TMEM163: variants seen among roughly 807,000 people sequenced by gnomAD.
TMEM163 encodes the protein transmembrane protein 163.
In TMEM163, 17 loss-of-function variants were observed where a neutral mutation model predicts 29.3. The ratio of observed to expected loss-of-function variants is 0.58; its 90% CI spans 0.40 to 0.87. The LOEUF (loss-of-function observed/expected upper bound fraction) is 0.87, where lower values mean the gene tolerates loss of function less well. Among genes scored for constraint, TMEM163 ranks in the 40% least tolerant of loss-of-function variants. TMEM163 has a pLI of 0.00. For missense variants in TMEM163, 303 were observed against 381.5 expected (o/e 0.79, Z 1.71); for synonymous variants, 157 against 160.6 (o/e 0.98, Z 0.17).
intron 5 of TMEM163, among the ~76,000 whole-genome samples, chr2:134,479,834 T>C (rs481396): frequency 0.43 from 65,429 of 152,106 alleles, 16,011 homozygotes; most frequent in East Asian, 0.83. Context: ...CCCACCCTGC[T>C]GCTTCCACTT....
At chr2:134,620,606 C>T (rs183181638) in intron 2 of TMEM163, among the ~76,000 whole-genome samples, 43 of 152,046 alleles carry the variant, frequency 2.8e-4, no homozygotes, top group African/African-American at 6.3e-4. Context: ...AAAAGTGGCA[C>T]GGTTGTAAAG....
chr2:134,683,923 T>C (rs914436132), intron 2 of TMEM163, among the ~76,000 whole-genome samples: 1 of 152,130 alleles, frequency 6.6e-6, no homozygotes, highest in Non-Finnish European at 1.5e-5. Context: ...GCCCTCAATT[T>C]ATAGAGGCCT....
chr2:134,603,448 G>T (rs533046643), intron 2 of TMEM163, among the ~76,000 whole-genome samples: 3 of 152,114 alleles, frequency 2.0e-5, no homozygotes, highest in Admixed American at 6.5e-5. Flanking sequence ...TAGTAAAGAA[G>T]CCCCATCAAA....
At chr2:134,685,768 C>A (rs901695283) in intron 2 of TMEM163, among the ~76,000 whole-genome samples, 2 of 152,170 alleles carry the variant, frequency 1.3e-5, no homozygotes, top group Admixed American at 6.5e-5. Flanking sequence ...ATCATTAAAC[C>A]CATTTTCTGA....
At chr2:134,526,976 T>A (rs989468560) in intron 4 of TMEM163, among the ~76,000 whole-genome samples, 6 of 152,110 alleles carry the variant, frequency 3.9e-5, no homozygotes, top group Admixed American at 2.6e-4. Context: ...ACAGATGAAG[T>A]CTCCCATTAT....
chr2:134,594,249 G>A (rs1682008096), intron 2 of TMEM163, among the ~76,000 whole-genome samples: 1 of 151,034 alleles, frequency 6.6e-6, no homozygotes, highest in Non-Finnish European at 1.5e-5. Flanking sequence ...GGAGAGAAAG[G>A]GGGAGAAAGA....
At chr2:134,509,904 G>A (rs1679911649) in intron 4 of TMEM163, among the ~76,000 whole-genome samples, 1 of 152,202 alleles carries the variant, frequency 6.6e-6, no homozygotes, top group South Asian at 2.1e-4. Context: ...AGGCTTTGGA[G>A]GTTACTCCAG....
chr2:134,581,306 T>G (rs1004564230), intron 2 of TMEM163, among the ~76,000 whole-genome samples: 1 of 152,146 alleles, frequency 6.6e-6, no homozygotes, highest in Non-Finnish European at 1.5e-5. Flanking sequence ...AAAGGCCAAC[T>G]AATTTTTTTT....
At chr2:134,493,287 T>C (rs1441209324) in intron 5 of TMEM163, among the ~76,000 whole-genome samples, 1 of 151,750 alleles carries the variant, frequency 6.6e-6, no homozygotes, top group African/African-American at 2.4e-5. Context: ...CTTAGTGGTG[T>C]CTTGGAAGAG....
chr2:134,535,013 G>A (rs1048199369), intron 4 of TMEM163, among the ~76,000 whole-genome samples: 3 of 152,164 alleles, frequency 2.0e-5, no homozygotes, highest in Non-Finnish European at 2.9e-5. Context: ...TTTCCCAGAA[G>A]AGACTTGTCA....
intron 2 of TMEM163, among the ~76,000 whole-genome samples, chr2:134,672,465 G>A (rs904829001): frequency 6.6e-6 from 1 of 152,130 alleles, no homozygotes; most frequent in African/African-American, 2.4e-5. Context: ...CTAAAGTGCA[G>A]TAATAAGATT....
At chr2:134,572,913 T>A (rs985140794) in intron 2 of TMEM163, among the ~76,000 whole-genome samples, 2 of 152,178 alleles carry the variant, frequency 1.3e-5, no homozygotes, top group African/African-American at 4.8e-5. Flanking sequence ...TTTATACGCA[T>A]CCTCTTTTAA....
At chr2:134,464,173 C>T (rs745460675) in intron 6 of TMEM163, among the ~76,000 whole-genome samples, 2 of 152,218 alleles carry the variant, frequency 1.3e-5, no homozygotes, top group Non-Finnish European at 1.5e-5. Context: ...CCCTGCTGGT[C>T]GGGGCGACTT....
Position 134,553,752 on chromosome 2 carries a change from G to A in TMEM163, c.323-1661C>T, listed in dbSNP as rs1223192827. Among the ~76,000 whole-genome samples, 3 of 152,314 alleles carry A rather than the reference G, an allele frequency of 2.0e-5. No individual in the cohort carries two copies. In the East Asian group the frequency reaches 5.8e-4, roughly 29 times the overall value. On this transcript the variant is annotated intron_variant, in intron 2 of 7. Coordinates refer to ENST00000281924, the MANE Select transcript of TMEM163 (RefSeq NM_030923.5). ...GAGAAGGGCAGAGCCAGCTGTGCAT[G>A]GTGACCAGCTGGAGCTTTCATGGGA... is the stretch of plus-strand genomic sequence containing the variant.
chr2:134,602,878 C>T (rs1042957479), intron 2 of TMEM163, among the ~76,000 whole-genome samples: 10 of 152,252 alleles, frequency 6.6e-5, no homozygotes, highest in African/African-American at 2.2e-4. Context: ...CCCATTGGCT[C>T]TCAAAGCTTC....
chr2:134,624,608 A>T (rs994165430), intron 2 of TMEM163, among the ~76,000 whole-genome samples: 1 of 152,128 alleles, frequency 6.6e-6, no homozygotes, highest in Non-Finnish European at 1.5e-5. Context: ...TAAAATAAAA[A>T]TTTTAAAAAT....
At chr2:134,490,249 A>G (rs1162722947) in intron 5 of TMEM163, among the ~76,000 whole-genome samples, 2 of 152,216 alleles carry the variant, frequency 1.3e-5, no homozygotes, top group Non-Finnish European at 2.9e-5. Context: ...CTCGATGGCT[A>G]GCAGGCAGAA....
chr2:134,612,682 C>G (rs902065809), intron 2 of TMEM163, among the ~76,000 whole-genome samples: 2 of 151,982 alleles, frequency 1.3e-5, no homozygotes, highest in Admixed American at 1.3e-4. Flanking sequence ...CTTCAGAGAC[C>G]ACACACTATA....
At chr2:134,646,849 C>A (rs1444027557) in intron 2 of TMEM163, among the ~76,000 whole-genome samples, 2 of 152,176 alleles carry the variant, frequency 1.3e-5, no homozygotes, top group African/African-American at 2.4e-5. Context: ...AGAAACAATT[C>A]CAGGAGACCA....
Sources: gnomAD v4.1 joint callset for allele counts (sites outside exome capture counted in the v4.1 genomes callset) on GRCh38, gnomAD v4.1.1 for gene constraint, MANE v1.5 for transcripts, NCBI Gene and HGNC (gene_info 2026-07-23, HGNC 2026-07-21) for gene names.